The following UNC80 variants were observed in gnomAD, a reference collection of about 807,000 sequenced individuals.
UNC80 encodes the protein protein unc-80 homolog.
Under a neutral mutation model 384.6 loss-of-function variants are expected in UNC80, and 164 were observed. The observed-to-expected ratio is 0.43, with a 90% CI of 0.38 to 0.49. The LOEUF is 0.49. Among genes scored for constraint, UNC80 ranks in the 20% least tolerant of loss-of-function variants. The pLI, the probability that UNC80 is intolerant of heterozygous loss-of-function variation, is 0.00. For missense variants in UNC80, 3,330 were observed against 4,143.0 expected, an observed-to-expected ratio of 0.80 and a Z score of 5.39; for synonymous variants, 1,486 against 1,527.8, an observed-to-expected ratio of 0.97 and a Z score of 0.64.
At chr2:209,873,070 T>C in intron 23 of UNC80, 100 bp downstream of exon 23, 1 of 1,120,194 alleles carries the variant, frequency 8.9e-7, no homozygotes, top group East Asian at 2.6e-5. Context: ...TTATTGAGTG[T>C]TTGTTATGTA....
chr2:209,828,766 G>T (rs1211243915), intron 14 of UNC80, among the ~76,000 whole-genome samples: 1 of 151,932 alleles, frequency 6.6e-6, no homozygotes, highest in Non-Finnish European at 1.5e-5. Flanking sequence ...AGAGACTTCG[G>T]TCATTGTCCC....
chr2:209,825,348 A>G (rs1015198753), intron 13 of UNC80, among the ~76,000 whole-genome samples: 2 of 152,196 alleles, frequency 1.3e-5, no homozygotes, highest in Non-Finnish European at 2.9e-5. Flanking sequence ...GGAAGAATCA[A>G]GCTGAACGTG....
At position 209,935,544 on chromosome 2, in the gene UNC80, A is replaced by C. The variant is rs150175735; in HGVS notation, c.6179-170A>C. ...ATATATTTAAAATATATGTATATTA[A>C]TCTTAAATTTCCAGGTTAAAAATAA... On this transcript the variant is annotated intron_variant, in intron 39 of 64. Transcript: ENST00000673920. 1.8e-3 allele frequency among the ~76,000 whole-genome samples: 269 copies of C among 151,904 alleles called. 1 individual carries two copies. The highest frequency in any genetic ancestry group is 5.1e-3 in the African/African-American group (209 of 41,314).
intron 31 of UNC80, among the ~76,000 whole-genome samples, chr2:209,917,213 A>T (rs1575007289): frequency 6.6e-6 from 1 of 152,332 alleles, no homozygotes; most frequent in African/African-American, 2.4e-5. Flanking sequence ...CATTAGCTTT[A>T]TAACCTATCA....
chr2:209,958,815 C>T (rs2092497416), intron 49 of UNC80, among the ~76,000 whole-genome samples: 2 of 152,146 alleles, frequency 1.3e-5, no homozygotes, highest in South Asian at 4.1e-4. Context: ...ACTTAAATTT[C>T]AAAATGTCCA....
chr2:209,955,692 A>AATATATAT lies in UNC80; in HGVS notation c.7457+1462_7457+1469dup, dbSNP rs57804600. Among the ~76,000 whole-genome samples, 150 of 51,486 alleles carry AATATATAT rather than the reference A, an allele frequency of 2.9e-3. 2 individuals carry two copies. The highest frequency in any genetic ancestry group is 4.0e-3 in the South Asian group (5 of 1,246). The allele number at this position is 51,486 out of a possible 152,430, so 33.8% of individuals were successfully genotyped here. On this transcript the variant is annotated intron_variant, in intron 48 of 64. Coordinates refer to ENST00000673920, the MANE Select transcript of UNC80 (RefSeq NM_001371986.1). Reference sequence around the variant, plus strand: ...TGTTCCCAAATGCCACTGTATTTCTAATATATATATATATATATATATATA... The same window carrying AATATATAT: ...TGTTCCCAAATGCCACTGTATTTCTAATATATATATATATATATATATATATATATATA...
At chr2:209,962,298 C>G (rs942204949) in intron 51 of UNC80, among the ~76,000 whole-genome samples, 3 of 152,036 alleles carry the variant, frequency 2.0e-5, no homozygotes, top group Admixed American at 1.3e-4. Context: ...CCATGGCTAG[C>G]CTTGGAAAAG....
At chr2:209,950,680 T>C (rs1294544651) in intron 47 of UNC80, among the ~76,000 whole-genome samples, 1 of 150,816 alleles carries the variant, frequency 6.6e-6, no homozygotes, top group Non-Finnish European at 1.5e-5. Flanking sequence ...TGCCTCAGCC[T>C]CCCGAGTAGC....
intron 18 of UNC80, among the ~76,000 whole-genome samples, chr2:209,837,858 T>C (rs1165802070): frequency 6.6e-6 from 1 of 151,112 alleles, no homozygotes; most frequent in East Asian, 2.0e-4. Flanking sequence ...TGCAAGCTCC[T>C]CCTCCTGGGT....
chr2:209,905,052 A>G (rs2088015123), intron 29 of UNC80, 87 bp downstream of exon 29: 2 of 1,381,218 alleles, frequency 1.4e-6, no homozygotes, highest in Non-Finnish European at 2.0e-6. Flanking sequence ...ATTTTCAAGC[A>G]AATGCAATTG....
chr2:209,959,350 G>A (rs951475868), intron 50 of UNC80, 139 bp from the exon 51 acceptor site: 2 of 1,075,816 alleles, frequency 1.9e-6, no homozygotes, highest in Non-Finnish European at 2.7e-6. Context: ...TCCTTCGGAT[G>A]AGGTTCTCCT....
intron 22 of UNC80, among the ~76,000 whole-genome samples, chr2:209,854,656 A>G (rs2082763565): frequency 6.6e-6 from 1 of 152,186 alleles, no homozygotes; most frequent in Non-Finnish European, 1.5e-5. Flanking sequence ...ACCCTTCTCA[A>G]AAGAAAACAT....
intron 22 of UNC80, among the ~76,000 whole-genome samples, chr2:209,850,532 A>G (rs148025646): frequency 6.6e-6 from 1 of 152,134 alleles, no homozygotes; most frequent in African/African-American, 2.4e-5. Flanking sequence ...AATGTAATTC[A>G]TGAAATTTCT....
At chr2:209,809,500 C>T in intron 7 of UNC80, 1 of 1,205,138 alleles carries the variant, frequency 8.3e-7, no homozygotes, top group Non-Finnish European at 1.2e-6. Context: ...GTACCAGTGC[C>T]AGGCGTGCGC....
chr2:209,933,755 TA>T, intron 38 of UNC80, 66 bp from the exon 39 acceptor site: 1 of 1,399,996 alleles, frequency 7.1e-7, no homozygotes, highest in Admixed American at 2.4e-5. Flanking sequence ...CAAGAAAAGC[TA>T]AGGAAATGAG....
intron 25 of UNC80, among the ~76,000 whole-genome samples, chr2:209,885,355 G>A (rs185005460): frequency 6.6e-6 from 1 of 152,212 alleles, no homozygotes; most frequent in African/African-American, 2.4e-5. Context: ...CCAAAGAAGG[G>A]GCTGAACAGC....
In UNC80 at chr2:209,916,034, T is replaced by G. The variant is rs117038741; in HGVS notation, c.5030-1743T>G. ...GCATATTTTTAAAATAAATTTTTAA[T>G]TTTTTTCAAAAAGAAATAGTAATTT... On this transcript the variant is annotated intron_variant, in intron 31 of 64. Transcript: ENST00000673920. Among the ~76,000 whole-genome samples the G allele has an allele frequency of 0.011, 1,647 of 152,280 alleles. 104 individuals are homozygous for G. In the East Asian group the frequency reaches 0.18, roughly 16 times the overall value.
intron 33 of UNC80, 51 bp downstream of exon 33, chr2:209,918,714 A>C (rs945775519): frequency 6.2e-6 from 9 of 1,460,302 alleles, no homozygotes; most frequent in Non-Finnish European, 7.3e-6. Context: ...AAAGAGAACA[A>C]TTAATATTTG....
rs553876315 is a variant in UNC80, at chr2:209,872,479, T to C, written c.3628-279T>C. Among the ~76,000 whole-genome samples the C allele has an allele frequency of 1.4e-4, 21 of 152,254 alleles. No homozygotes were observed. The highest frequency in any genetic ancestry group is 2.9e-4 in the African/African-American group (12 of 41,550). On this transcript the variant is annotated intron_variant, in intron 22 of 64. Coordinates refer to ENST00000673920, the MANE Select transcript of UNC80 (RefSeq NM_001371986.1). This position sits in a 1 kb window ranked among gnomAD's most constrained non-coding sequence, Gnocchi z 4.1. Reference sequence around the variant, plus strand: ...CCTTAAATATACAAAGTTGGAGACATGTAATTACTTGAGATTCTTGAGAAG... The same window carrying C: ...CCTTAAATATACAAAGTTGGAGACACGTAATTACTTGAGATTCTTGAGAAG...
Sources: allele counts gnomAD v4.1 joint callset (sites outside exome capture counted in the v4.1 genomes callset), GRCh38; gene constraint gnomAD v4.1.1; non-coding constraint Gnocchi (gnomAD v3.1); transcripts MANE v1.5; gene names NCBI Gene and HGNC (gene_info 2026-07-23, HGNC 2026-07-21).